The following SV2C variants were observed in gnomAD, a reference collection of about 807,000 sequenced individuals.
The protein encoded by SV2C is synaptic vesicle glycoprotein 2C, also known as solute carrier family 22 member B3.
SV2C carries 49 observed loss-of-function variants against 79.7 expected under a neutral mutation model. The ratio of observed to expected loss-of-function variants is 0.61; its 90% CI spans 0.49 to 0.78. The LOEUF is 0.78. Among genes scored for constraint, SV2C ranks in the 30% least tolerant of loss-of-function variants. SV2C has a pLI of 0.00. For synonymous variants in SV2C, 334 were observed against 333.2 expected, an observed-to-expected ratio of 1.00 and a Z score of -0.03; for missense variants, 833 against 912.9, an observed-to-expected ratio of 0.91 and a Z score of 1.13.
intron 6 of SV2C, among the ~76,000 whole-genome samples, chr5:76,290,153 C>T (rs549306803): frequency 3.0e-4 from 45 of 152,206 alleles, no homozygotes; most frequent in South Asian, 8.3e-4. Context: ...TATTTTGAGC[C>T]GATTGCATTT....
At chr5:75,878,241 T>A in the SV2C span, among the ~76,000 whole-genome samples, 2 of 152,218 alleles carry the variant, frequency 1.3e-5, no homozygotes, top group East Asian at 3.8e-4. Flanking sequence ...GTGTTTCTTA[T>A]GTGCCAAGCA....
the SV2C span, among the ~76,000 whole-genome samples, chr5:75,926,137 C>T: frequency 1.1e-3 from 172 of 152,172 alleles, 3 homozygotes; most frequent in African/African-American, 3.7e-3. Flanking sequence ...AATTAGAAGC[C>T]GGGGTAGCTT....
the SV2C span, among the ~76,000 whole-genome samples, chr5:76,051,004 A>G: frequency 6.6e-6 from 1 of 152,244 alleles, no homozygotes; most frequent in Non-Finnish European, 1.5e-5. Flanking sequence ...AAATGTTTGT[A>G]GTTTTCAAAA....
chr5:76,167,576 C>G (rs1237824644), intron 2 of SV2C, among the ~76,000 whole-genome samples: 1 of 152,186 alleles, frequency 6.6e-6, no homozygotes, highest in Non-Finnish European at 1.5e-5. Context: ...GTTCTAAGCA[C>G]TTTATAAGAG....
chr5:76,331,781 T>C lies in SV2C; in HGVS notation c.*6234T>C, dbSNP rs1188531942. ...GGGATGAAAGGCCCATCCATGCCTG[T>C]TGTGGAGGCACAGAGGAGGAGAAGG... On this transcript the variant is annotated 3_prime_UTR_variant, in exon 13 of 13. Transcript: ENST00000502798. 6.5e-6 allele frequency: 1 copy of C among 152,672 alleles called. No individual in the cohort carries two copies. Among genetic ancestry groups the C allele is most frequent in the East Asian group, 1.9e-4 (1 of 5,196 alleles). The allele number at this position is 152,672 out of a possible 1,614,324, so 9.5% of individuals were successfully genotyped here.
the SV2C span, among the ~76,000 whole-genome samples, chr5:75,848,429 A>G: frequency 6.6e-6 from 1 of 152,190 alleles, no homozygotes; most frequent in East Asian, 1.9e-4. Flanking sequence ...GGACTCAGAA[A>G]CTGCCCTGGG....
At chr5:75,981,733 A>T in the SV2C span, among the ~76,000 whole-genome samples, 9 of 152,248 alleles carry the variant, frequency 5.9e-5, 1 homozygote, top group South Asian at 1.9e-3. Flanking sequence ...TGGATTAAAG[A>T]CTTAAATGTA....
the SV2C span, among the ~76,000 whole-genome samples, chr5:75,913,395 G>C: frequency 1.3e-5 from 2 of 152,184 alleles, no homozygotes; most frequent in Non-Finnish European, 2.9e-5. Flanking sequence ...CTATAAATAA[G>C]AGCAAGTTGA....
chr5:75,848,410 G>C, the SV2C span, among the ~76,000 whole-genome samples: 46 of 152,140 alleles, frequency 3.0e-4, no homozygotes, highest in African/African-American at 1.1e-3. Flanking sequence ...GCTCCCAAAG[G>C]CTTCCTTAGG....
chr5:76,097,286 TTGTAAA>T (rs1747598211), intron 1 of SV2C, among the ~76,000 whole-genome samples: 1 of 152,232 alleles, frequency 6.6e-6, no homozygotes, highest in Non-Finnish European at 1.5e-5. Flanking sequence ...TTTTGATATG[TTGTAAA>T]TTTTTTAGGA....
chr5:75,916,563 C>CT, the SV2C span, among the ~76,000 whole-genome samples: 1 of 152,112 alleles, frequency 6.6e-6, no homozygotes, highest in South Asian at 2.1e-4. Flanking sequence ...CAACCTCCGT[C>CT]TCCCAGGTTC....
the SV2C span, among the ~76,000 whole-genome samples, chr5:76,076,196 C>T: frequency 6.6e-6 from 1 of 152,114 alleles, no homozygotes; most frequent in Admixed American, 6.5e-5. Context: ...AAAGGTAAAT[C>T]CCTAAATAAA....
chr5:75,953,014 T>G, the SV2C span, among the ~76,000 whole-genome samples: 2 of 151,912 alleles, frequency 1.3e-5, no homozygotes, highest in Non-Finnish European at 2.9e-5. Flanking sequence ...ATATCTGATG[T>G]GGGTAATTTA....
chr5:75,994,662 T>C, the SV2C span, among the ~76,000 whole-genome samples: 3 of 152,138 alleles, frequency 2.0e-5, no homozygotes, highest in African/African-American at 7.2e-5. Flanking sequence ...AACTCCTATC[T>C]TTCTCCAGAA....
chr5:75,847,495 G>C, the SV2C span, among the ~76,000 whole-genome samples: 1 of 152,200 alleles, frequency 6.6e-6, no homozygotes, highest in Non-Finnish European at 1.5e-5. Flanking sequence ...CAGGGGGAAA[G>C]GGTTAAAAGG....
chr5:76,092,914 C>G (rs1198380171), intron 1 of SV2C, among the ~76,000 whole-genome samples: 1 of 152,098 alleles, frequency 6.6e-6, no homozygotes, highest in Non-Finnish European at 1.5e-5. Context: ...TGGAGTGCGT[C>G]TCATATTATG....
chr5:76,238,644 C>A (rs1331612113), intron 4 of SV2C, among the ~76,000 whole-genome samples: 1 of 152,226 alleles, frequency 6.6e-6, no homozygotes, highest in Non-Finnish European at 1.5e-5. Flanking sequence ...GTCAGGCGTT[C>A]TAGCAGCAGG....
chr5:76,274,187 T>G (rs1488118702), intron 4 of SV2C, among the ~76,000 whole-genome samples: 1 of 152,174 alleles, frequency 6.6e-6, no homozygotes, highest in Non-Finnish European at 1.5e-5. Context: ...TCAGGGCCTG[T>G]GTCTCAAAAA....
At chr5:75,858,204 C>T in the SV2C span, among the ~76,000 whole-genome samples, 6 of 152,104 alleles carry the variant, frequency 3.9e-5, no homozygotes, top group South Asian at 2.1e-4. Flanking sequence ...GAAAAGCTTT[C>T]GGTTTCTCCC....
Sources: gnomAD v4.1 joint callset for allele counts (sites outside exome capture counted in the v4.1 genomes callset) on GRCh38, gnomAD v4.1.1 for gene constraint, MANE v1.5 for transcripts, NCBI Gene and HGNC (gene_info 2026-07-23, HGNC 2026-07-21) for gene names.